Variants in XKR9 observed in about 807,000 individuals in gnomAD.
The protein encoded by XKR9 is XK-related protein 9.
In XKR9, 32 loss-of-function variants were observed where a neutral mutation model predicts 32.0. The observed-to-expected ratio is 1.00, with a 90% confidence interval of 0.76 to 1.34. XKR9 has a LOEUF of 1.34. Among genes scored for constraint, XKR9 ranks in the 40% most tolerant of loss-of-function variants. The probability of loss-of-function intolerance (pLI) is 0.00; values close to 1 mark genes in which losing one functional copy is unlikely to be tolerated. For synonymous variants in XKR9, 168 were observed against 143.4 expected, an observed-to-expected ratio of 1.17 and a Z score of -1.22; for missense variants, 546 against 429.7, an observed-to-expected ratio of 1.27 and a Z score of -2.39.
At chr8:70,835,143 G>C in the XKR9 span, among the ~76,000 whole-genome samples, 9 of 151,830 alleles carry the variant, frequency 5.9e-5, no homozygotes, top group Non-Finnish European at 1.3e-4. Flanking sequence ...AAGAAGCTTA[G>C]TTCTGATAGA....
the XKR9 span, among the ~76,000 whole-genome samples, chr8:70,899,180 G>T: frequency 9.2e-5 from 14 of 152,056 alleles, no homozygotes; most frequent in South Asian, 2.9e-3. Flanking sequence ...ATTTGTCTTC[G>T]GTGTAAGGCA....
intron 4 of XKR9, among the ~76,000 whole-genome samples, chr8:70,724,337 C>T (rs957352402): frequency 2.0e-5 from 3 of 151,758 alleles, no homozygotes; most frequent in African/African-American, 7.3e-5. Flanking sequence ...GTAGGACCCA[C>T]TGAGTGAGAC....
chr8:71,020,587 C>T, the XKR9 span, among the ~76,000 whole-genome samples: 2 of 152,118 alleles, frequency 1.3e-5, no homozygotes, highest in Non-Finnish European at 2.9e-5. Flanking sequence ...AGTCTAATTT[C>T]TCTGTGTATA....
At chr8:71,036,353 T>G in the XKR9 span, among the ~76,000 whole-genome samples, 283 of 152,264 alleles carry the variant, frequency 1.9e-3, 2 homozygotes, top group East Asian at 0.014. Context: ...GGGGTTTCAT[T>G]TATAATTGTT....
chr8:70,967,730 AT>A, the XKR9 span, among the ~76,000 whole-genome samples: 39 of 146,420 alleles, frequency 2.7e-4, no homozygotes, highest in Middle Eastern at 3.5e-3. Context: ...CTGGGTTGCA[AT>A]TTTTTTTTTT....
At chr8:71,055,332 T>C in the XKR9 span, among the ~76,000 whole-genome samples, 9 of 152,122 alleles carry the variant, frequency 5.9e-5, no homozygotes, top group Admixed American at 1.3e-4. Flanking sequence ...TTCAGTGAGA[T>C]AGGAAGATGG....
the XKR9 span, among the ~76,000 whole-genome samples, chr8:70,993,712 A>G: frequency 2.9e-4 from 43 of 149,206 alleles, no homozygotes; most frequent in East Asian, 8.3e-3. Flanking sequence ...CTCAGAAAGA[A>G]TAGATTGTAG....
At chr8:70,818,777 G>T in the XKR9 span, among the ~76,000 whole-genome samples, 2 of 152,264 alleles carry the variant, frequency 1.3e-5, no homozygotes, top group African/African-American at 4.8e-5. Flanking sequence ...ACATACCTCT[G>T]CTAAGTCATT....
At chr8:70,938,608 A>G in the XKR9 span, among the ~76,000 whole-genome samples, 1 of 152,198 alleles carries the variant, frequency 6.6e-6, no homozygotes, top group African/African-American at 2.4e-5. Context: ...TGAGATACAC[A>G]TGGGATTTAG....
chr8:71,027,096 T>C, the XKR9 span, among the ~76,000 whole-genome samples: 1 of 152,114 alleles, frequency 6.6e-6, no homozygotes, highest in Admixed American at 6.5e-5. Context: ...TTATTGTATG[T>C]CAAAAGGTCA....
At chr8:70,708,267 T>C (rs1805790206) in intron 4 of XKR9, among the ~76,000 whole-genome samples, 1 of 152,070 alleles carries the variant, frequency 6.6e-6, no homozygotes, top group Non-Finnish European at 1.5e-5. Flanking sequence ...GTACAAAATT[T>C]AGATCTTACA....
At chr8:70,943,454 G>C in the XKR9 span, among the ~76,000 whole-genome samples, 1 of 152,092 alleles carries the variant, frequency 6.6e-6, no homozygotes, top group South Asian at 2.1e-4. Flanking sequence ...AAAAATTAAG[G>C]GAAAACTGGG....
At chr8:70,687,898 C>G (rs925517596) in intron 3 of XKR9, among the ~76,000 whole-genome samples, 1 of 152,060 alleles carries the variant, frequency 6.6e-6, no homozygotes, top group Non-Finnish European at 1.5e-5. Context: ...GTTTCATGTA[C>G]ACTTGAAACA....
the XKR9 span, among the ~76,000 whole-genome samples, chr8:70,840,749 A>C: frequency 6.6e-6 from 1 of 152,258 alleles, no homozygotes; most frequent in Non-Finnish European, 1.5e-5. Flanking sequence ...GACTAAGATT[A>C]ATCATTTGAA....
At chr8:70,891,665 T>C in the XKR9 span, among the ~76,000 whole-genome samples, 2 of 152,182 alleles carry the variant, frequency 1.3e-5, no homozygotes, top group East Asian at 3.9e-4. Context: ...GAGACTCGTT[T>C]TGTGGCCTAA....
chr8:71,027,066 G>C, the XKR9 span, among the ~76,000 whole-genome samples: 1 of 152,006 alleles, frequency 6.6e-6, no homozygotes, highest in Non-Finnish European at 1.5e-5. Flanking sequence ...TGCATTTAGG[G>C]CATAAAGTTA....
the XKR9 span, among the ~76,000 whole-genome samples, chr8:71,007,335 C>T: frequency 0.68 from 102,630 of 151,968 alleles, 35,097 homozygotes; most frequent in Admixed American, 0.74. Context: ...ATGAGGATCA[C>T]GAAGGACTGG....
At chr8:70,942,003 T>C in the XKR9 span, among the ~76,000 whole-genome samples, 1 of 152,172 alleles carries the variant, frequency 6.6e-6, no homozygotes, top group South Asian at 2.1e-4. Flanking sequence ...TCCCAAAGCC[T>C]TGGACTTCCA....
chr8:70,706,377 T>C (rs929467551), intron 3 of XKR9, among the ~76,000 whole-genome samples: 5 of 152,134 alleles, frequency 3.3e-5, no homozygotes, highest in Non-Finnish European at 7.4e-5. Flanking sequence ...TAGCATCTTG[T>C]AGGTATTGAC....
Sources: allele counts gnomAD v4.1 joint callset (sites outside exome capture counted in the v4.1 genomes callset), GRCh38; gene constraint gnomAD v4.1.1; transcripts MANE v1.5; gene names NCBI Gene and HGNC (gene_info 2026-07-23, HGNC 2026-07-21).